The following EMCN variants were observed in gnomAD, a reference collection of about 807,000 sequenced individuals.
The protein encoded by EMCN is endomucin.
In EMCN, 37 loss-of-function variants were observed where a neutral mutation model predicts 38.4. The observed-to-expected ratio is 0.96, with a 90% confidence interval of 0.74 to 1.27. The LOEUF (loss-of-function observed/expected upper bound fraction) is 1.27, where lower values mean the gene tolerates loss of function less well. Among genes scored for constraint, EMCN ranks in the 50% most tolerant of loss-of-function variants. The probability of loss-of-function intolerance (pLI) is 0.00; values close to 1 mark genes in which losing one functional copy is unlikely to be tolerated. For synonymous variants in EMCN, 95 were observed against 100.8 expected (o/e 0.94, Z 0.35); for missense variants, 318 against 302.8 (o/e 1.05, Z -0.37).
chr4:100,417,887 T>C (rs1439890704), intron 8 of EMCN, among the ~76,000 whole-genome samples: 1 of 152,228 alleles, frequency 6.6e-6, no homozygotes. Flanking sequence ...CCCCTTGTTG[T>C]GCTCCTTTGG....
chr4:100,434,465 A>G (rs575770838), intron 5 of EMCN, among the ~76,000 whole-genome samples: 1 of 151,724 alleles, frequency 6.6e-6, no homozygotes, highest in East Asian at 1.9e-4. Context: ...AGCTAACACC[A>G]TTTCTACTGA....
chr4:100,436,973 G>A (rs549970005), intron 5 of EMCN, among the ~76,000 whole-genome samples: 5 of 152,210 alleles, frequency 3.3e-5, no homozygotes, highest in African/African-American at 7.2e-5. Flanking sequence ...CACGGCACAC[G>A]TTTATCTGTG....
chr4:100,454,363 C>T (rs1287319392), intron 4 of EMCN, among the ~76,000 whole-genome samples: 1 of 151,886 alleles, frequency 6.6e-6, no homozygotes, highest in African/African-American at 2.4e-5. Flanking sequence ...ACAACTAACA[C>T]TTCTTTTGAA....
Position 100,395,992 on chromosome 4 carries a change from T to A in EMCN, c.*2421A>T, listed in dbSNP as rs1726109033. On this transcript the variant is annotated 3_prime_UTR_variant, in exon 12 of 12. Transcript: ENST00000296420. Reference sequence around the variant, plus strand: ...AAATACAGGCACTTCTTTGTTGCAATGATGTTTGAACTGTGTATCAGAATA... The same window carrying A: ...AAATACAGGCACTTCTTTGTTGCAAAGATGTTTGAACTGTGTATCAGAATA... The A allele has an allele frequency of 6.6e-6, 1 of 152,160 alleles. No homozygotes were observed. The highest frequency in any genetic ancestry group is 1.5e-5 in the Non-Finnish European group (1 of 68,030). 9.4% of individuals were successfully genotyped at this position (152,160 alleles called of 1,614,324 possible).
At chr4:100,499,298 G>C (rs1729289320) in intron 1 of EMCN, among the ~76,000 whole-genome samples, 1 of 152,022 alleles carries the variant, frequency 6.6e-6, no homozygotes, top group East Asian at 1.9e-4. Context: ...GTGTTTTGTA[G>C]AACTAACGTA....
intron 3 of EMCN, among the ~76,000 whole-genome samples, chr4:100,467,493 ACGG>A (rs1228595847): frequency 6.6e-6 from 1 of 151,802 alleles, no homozygotes; most frequent in African/African-American, 2.4e-5. Flanking sequence ...CCTGGCTAAC[ACGG>A]TGAAACCCCG....
intron 4 of EMCN, among the ~76,000 whole-genome samples, chr4:100,459,168 GCTCTCTCTCTCTCTCT>G (rs70958363): frequency 0.016 from 2,118 of 132,790 alleles, 40 homozygotes; most frequent in Middle Eastern, 0.042. Context: ...GCCCTCAGAT[GCTCTCTCTCTCTCTCT>G]CTCTCTCTCT....
At chr4:100,421,434 G>A in intron 7 of EMCN, 57 bp from the exon 8 acceptor site, 5 of 1,364,894 alleles carry the variant, frequency 3.7e-6, no homozygotes, top group Non-Finnish European at 5.2e-6. Context: ...CACAGCGATA[G>A]TTTGGTAAGT....
At chr4:100,482,245 A>T (rs1468451106) in intron 1 of EMCN, among the ~76,000 whole-genome samples, 1 of 152,030 alleles carries the variant, frequency 6.6e-6, no homozygotes, top group Non-Finnish European at 1.5e-5. Flanking sequence ...ACAATATGAG[A>T]GTGGTATTGC....
intron 5 of EMCN, among the ~76,000 whole-genome samples, chr4:100,433,113 C>T (rs996067625): frequency 6.6e-6 from 1 of 152,180 alleles, no homozygotes; most frequent in Non-Finnish European, 1.5e-5. Context: ...CTCTAATCTA[C>T]ATCTCCCCAT....
At chr4:100,423,264 A>G in intron 6 of EMCN, 48 bp downstream of exon 6, 1 of 1,472,472 alleles carries the variant, frequency 6.8e-7, no homozygotes, top group Non-Finnish European at 9.5e-7. Flanking sequence ...TTCAGTCAAG[A>G]AAGGGTCAGG....
At chr4:100,467,462 A>G (rs1728349027) in intron 3 of EMCN, among the ~76,000 whole-genome samples, 1 of 151,920 alleles carries the variant, frequency 6.6e-6, no homozygotes, top group South Asian at 2.1e-4. Flanking sequence ...GCGGATCACG[A>G]GGTCAGGAGA....
At chr4:100,424,687 T>C (rs182948345) in intron 5 of EMCN, among the ~76,000 whole-genome samples, 3 of 152,116 alleles carry the variant, frequency 2.0e-5, no homozygotes, top group Admixed American at 2.0e-4. Context: ...GCTAGTGCAC[T>C]AAGCAGGCAG....
chr4:100,440,832 T>C (rs1339933839), intron 5 of EMCN, among the ~76,000 whole-genome samples: 1 of 152,076 alleles, frequency 6.6e-6, no homozygotes, highest in East Asian at 1.9e-4. Flanking sequence ...AGTGGGGTAA[T>C]ACCAGCACTT....
intron 2 of EMCN, among the ~76,000 whole-genome samples, chr4:100,476,390 C>T (rs1560632073): frequency 6.6e-6 from 1 of 151,976 alleles, no homozygotes; most frequent in Non-Finnish European, 1.5e-5. Context: ...CTCAAGTGAT[C>T]CCCCAATTTC....
At chr4:100,505,289 C>A (rs1729453590) in intron 1 of EMCN, among the ~76,000 whole-genome samples, 1 of 152,174 alleles carries the variant, frequency 6.6e-6, no homozygotes, top group Non-Finnish European at 1.5e-5. Flanking sequence ...TTTATTTCTA[C>A]AATCTCTCAT....
At chr4:100,431,264 C>A (rs547484772) in intron 5 of EMCN, among the ~76,000 whole-genome samples, 1 of 152,110 alleles carries the variant, frequency 6.6e-6, no homozygotes, top group South Asian at 2.1e-4. Context: ...TTTCAAGTTA[C>A]GCTAGTTGCT....
At position 100,397,502 on chromosome 4, in the gene EMCN, G is replaced by T. The variant is rs1726148149; in HGVS notation, c.*911C>A. On this transcript the variant is annotated 3_prime_UTR_variant, in exon 12 of 12. Transcript: ENST00000296420. ...AGAGCAAATAATTACATTTCTAAAA[G>T]AAATAAAAAATGCATGGAGATAATA... The T allele has an allele frequency of 6.6e-6, 1 of 152,038 alleles. No individual in the cohort carries two copies. Among genetic ancestry groups the T allele is most frequent in the Admixed American group, 6.6e-5 (1 of 15,238 alleles). 9.4% of individuals were successfully genotyped at this position (152,038 alleles called of 1,614,324 possible).
rs551385892 is a variant in EMCN, at chr4:100,454,147, C to T, written c.377-6576G>A. Among the ~76,000 whole-genome samples, 15 of 145,994 alleles carry T rather than the reference C, an allele frequency of 1.0e-4. No individual in the cohort carries two copies. The South Asian group carries it at 3.0e-3, about 29-fold the overall frequency. On this transcript the variant is annotated intron_variant, in intron 4 of 11. Transcript: ENST00000296420. ...ATGTAAGAAACCTGCAAGTTGTGCA[C>T]ATGTACCCTAAAACTTAAAGTATAA... is the stretch of plus-strand genomic sequence containing the variant.
Sources: allele counts gnomAD v4.1 joint callset (sites outside exome capture counted in the v4.1 genomes callset), GRCh38; gene constraint gnomAD v4.1.1; transcripts MANE v1.5; gene names NCBI Gene and HGNC (gene_info 2026-07-23, HGNC 2026-07-21).